SCFD2: variants seen among roughly 807,000 people sequenced by gnomAD.
The protein encoded by SCFD2 is sec1 family domain-containing protein 2.
Under a neutral mutation model 58.9 loss-of-function variants are expected in SCFD2, and 54 were observed. The ratio of observed to expected loss-of-function variants is 0.92; its 90% confidence interval spans 0.74 to 1.15. The LOEUF (loss-of-function observed/expected upper bound fraction) is 1.15, where lower values mean the gene tolerates loss of function less well. Ranked by LOEUF, SCFD2 falls within the 50% of genes most tolerant of loss-of-function variation. The pLI is 0.00. For missense variants in SCFD2, 805 were observed against 836.6 expected (o/e 0.96, Z 0.47); for synonymous variants, 321 against 335.9 (o/e 0.96, Z 0.49).
At chr4:52,920,535 T>C (rs1334343206) in intron 6 of SCFD2, among the ~76,000 whole-genome samples, 190 bp downstream of exon 6, 1 of 152,142 alleles carries the variant, frequency 6.6e-6, no homozygotes, top group Non-Finnish European at 1.5e-5. Context: ...ATATCAAGCC[T>C]GGGGCATAAA....
At chr4:53,356,589 T>G (rs2149168754) in intron 1 of SCFD2, among the ~76,000 whole-genome samples, 1 of 152,212 alleles carries the variant, frequency 6.6e-6, no homozygotes, top group African/African-American at 2.4e-5. Context: ...CATGCCCAGC[T>G]AATTTTTTGT....
At chr4:53,190,274 G>A (rs1247030333) in intron 4 of SCFD2, among the ~76,000 whole-genome samples, 1 of 152,144 alleles carries the variant, frequency 6.6e-6, no homozygotes, top group Non-Finnish European at 1.5e-5. Context: ...ATGTTGGCGT[G>A]TGTGTTTTGT....
At chr4:53,249,298 G>C (rs1271458582) in intron 4 of SCFD2, among the ~76,000 whole-genome samples, 3 of 152,106 alleles carry the variant, frequency 2.0e-5, no homozygotes, top group Non-Finnish European at 4.4e-5. Flanking sequence ...AAGAAATATG[G>C]GACTATGTGA....
chr4:53,161,542 T>C (rs533181878), intron 4 of SCFD2, among the ~76,000 whole-genome samples: 1 of 152,326 alleles, frequency 6.6e-6, no homozygotes, highest in Non-Finnish European at 1.5e-5. Flanking sequence ...GTTTAAAACA[T>C]GCATATGTTT....
chr4:53,148,104 G>T (rs987052466), intron 4 of SCFD2, among the ~76,000 whole-genome samples: 1 of 152,120 alleles, frequency 6.6e-6, no homozygotes, highest in Non-Finnish European at 1.5e-5. Context: ...TAGAAACTAT[G>T]TGTATACATA....
At chr4:53,102,987 T>G (rs962700019) in intron 5 of SCFD2, among the ~76,000 whole-genome samples, 12 of 152,136 alleles carry the variant, frequency 7.9e-5, no homozygotes, top group African/African-American at 2.7e-4. Context: ...AGGCTCTTCC[T>G]TCTGGTAGAA....
chr4:53,111,130 G>A (rs754793984), intron 5 of SCFD2, among the ~76,000 whole-genome samples: 16 of 151,948 alleles, frequency 1.1e-4, no homozygotes, highest in Admixed American at 4.6e-4. Context: ...AGTGGGAATT[G>A]AACAATGAGA....
chr4:53,166,065 T>C (rs1037932484), intron 4 of SCFD2, among the ~76,000 whole-genome samples: 27 of 152,260 alleles, frequency 1.8e-4, no homozygotes, highest in African/African-American at 6.0e-4. Context: ...ATTTAGCATG[T>C]CTTAAAAATT....
rs1734689793 is a variant in SCFD2, at chr4:53,365,845, C to A, written c.97G>T (p.Ala33Ser). 6.2e-7 allele frequency: 1 copy of A among 1,613,370 alleles called. No individual in the cohort carries two copies. Among genetic ancestry groups the A allele is most frequent in the South Asian group, 1.1e-5 (1 of 91,018 alleles). Reference sequence around the variant, plus strand: ...CCGCAGCCCCAGTGCAGGCTCTCGGCGCAGGCGGCGTCCAGGTAAACCACA... The same window carrying A: ...CCGCAGCCCCAGTGCAGGCTCTCGGAGCAGGCGGCGTCCAGGTAAACCACA... Reference protein sequence around the residue: ...RAVVYLDAACAESLHWGCGST... With the variant: ...RAVVYLDAACSESLHWGCGST... The change falls in exon 1 of 9, where the codon GCC (alanine) becomes TCC (serine). Residue 33 changes from alanine (A) to serine (S), a missense_variant. Ala to Ser is a moderately conservative substitution (Grantham distance 99). Transcript: ENST00000401642. The surrounding 1 kb of genome is among the most constrained non-coding windows in gnomAD (Gnocchi z 4.3).
chr4:53,021,588 G>C (rs1722350761), intron 5 of SCFD2, among the ~76,000 whole-genome samples: 1 of 152,086 alleles, frequency 6.6e-6, no homozygotes, highest in Non-Finnish European at 1.5e-5. Context: ...ATGCAATGCG[G>C]TATGCATTAA....
chr4:53,110,958 C>T (rs1251472291), intron 5 of SCFD2, among the ~76,000 whole-genome samples: 1 of 152,120 alleles, frequency 6.6e-6, no homozygotes, highest in Admixed American at 6.5e-5. Context: ...CAATGATAGA[C>T]TGGATAAAGA....
intron 6 of SCFD2, among the ~76,000 whole-genome samples, chr4:52,915,750 G>C (rs1005745741): frequency 2.6e-5 from 4 of 152,210 alleles, no homozygotes; most frequent in South Asian, 4.1e-4. Flanking sequence ...ACTCAGGACA[G>C]AGCCAAGTTT....
chr4:52,994,779 A>T (rs1174027819), intron 5 of SCFD2, among the ~76,000 whole-genome samples: 1 of 152,186 alleles, frequency 6.6e-6, no homozygotes, highest in Non-Finnish European at 1.5e-5. Flanking sequence ...TTCCCTCATT[A>T]ACAACAGGAA....
chr4:53,180,435 G>A (rs1727509057), intron 4 of SCFD2, among the ~76,000 whole-genome samples: 1 of 152,110 alleles, frequency 6.6e-6, no homozygotes, highest in South Asian at 2.1e-4. Context: ...CAGAAATAAA[G>A]ATGTTCTTTG....
intron 4 of SCFD2, among the ~76,000 whole-genome samples, chr4:53,173,891 C>T (rs1050741475): frequency 1.3e-5 from 2 of 152,118 alleles, no homozygotes; most frequent in African/African-American, 4.8e-5. Flanking sequence ...ACACATCATA[C>T]AGCAGATTCA....
At chr4:53,330,598 C>T (rs1375832263) in intron 2 of SCFD2, among the ~76,000 whole-genome samples, 2 of 152,012 alleles carry the variant, frequency 1.3e-5, no homozygotes, top group Non-Finnish European at 2.9e-5. Flanking sequence ...GAAGGAAGCG[C>T]TAAACATGGA....
chr4:52,961,275 T>G (rs530991831), intron 5 of SCFD2, among the ~76,000 whole-genome samples: 1 of 152,080 alleles, frequency 6.6e-6, no homozygotes. Context: ...TTCTCCTTTT[T>G]GGGGGGCTGC....
intron 4 of SCFD2, among the ~76,000 whole-genome samples, chr4:53,164,103 T>C (rs1726932765): frequency 6.6e-6 from 1 of 152,154 alleles, no homozygotes; most frequent in African/African-American, 2.4e-5. Flanking sequence ...GGAAGAGAAA[T>C]GAGATGAACA....
At chr4:53,271,983 C>T (rs1191658954) in intron 4 of SCFD2, among the ~76,000 whole-genome samples, 1 of 152,140 alleles carries the variant, frequency 6.6e-6, no homozygotes, top group Non-Finnish European at 1.5e-5. Context: ...CCAGAATCTA[C>T]AATGAACTCA....
Sources: gnomAD v4.1 joint callset for allele counts (sites outside exome capture counted in the v4.1 genomes callset) on GRCh38, gnomAD v4.1.1 for gene constraint, Gnocchi (gnomAD v3.1) non-coding constraint, MANE v1.5 for transcripts, NCBI Gene and HGNC (gene_info 2026-07-23, HGNC 2026-07-21) for gene names.